The following NKAIN3 variants were observed in gnomAD, a reference collection of about 807,000 sequenced individuals.
NKAIN3 encodes sodium/potassium-transporting ATPase subunit beta-1-interacting protein 3.
Under a neutral mutation model 30.2 loss-of-function variants are expected in NKAIN3, and 25 were observed. The ratio of observed to expected loss-of-function variants is 0.83; its 90% CI spans 0.60 to 1.16. The LOEUF (loss-of-function observed/expected upper bound fraction) is 1.16, where lower values mean the gene tolerates loss of function less well. Ranked by LOEUF, NKAIN3 falls within the 50% of genes most tolerant of loss-of-function variation. NKAIN3 has a pLI of 0.00. For missense variants in NKAIN3, 225 were observed against 254.1 expected, an observed-to-expected ratio of 0.89 and a Z score of 0.78; for synonymous variants, 91 against 89.6, an observed-to-expected ratio of 1.02 and a Z score of -0.09.
At chr8:62,382,996 A>G (rs1817322884) in intron 1 of NKAIN3, among the ~76,000 whole-genome samples, 1 of 152,090 alleles carries the variant, frequency 6.6e-6, no homozygotes, top group Non-Finnish European at 1.5e-5. Flanking sequence ...AGTGTTGACA[A>G]TCCTTTCCAT....
intron 1 of NKAIN3, among the ~76,000 whole-genome samples, chr8:62,424,451 A>G (rs1006048953): frequency 1.7e-3 from 25 of 14,546 alleles, no homozygotes; most frequent in African/African-American, 3.9e-3. Context: ...ACTCAATAGC[A>G]AAAAAAACAA....
intron 5 of NKAIN3, among the ~76,000 whole-genome samples, chr8:62,930,464 G>A (rs1822584234): frequency 6.6e-6 from 1 of 151,946 alleles, no homozygotes; most frequent in Non-Finnish European, 1.5e-5. Flanking sequence ...ATGTTGGCCA[G>A]GCTGGTCTCG....
intron 4 of NKAIN3, chr8:62,855,640 C>T (rs1194105335): frequency 3.1e-6 from 5 of 1,604,222 alleles, no homozygotes; most frequent in Middle Eastern, 2.3e-4. Flanking sequence ...AGGCCAAGGC[C>T]TCCAGGTTCC....
rs79975253 is a variant in NKAIN3 at position 62,394,898 on chromosome 8, C to T, written c.54+145771C>T. ...GGGGAGGCGCTCATCACTTCCCCGA[C>T]GGGGCGGCGGCTGGACAGAGGCGCT... is the stretch of plus-strand genomic sequence containing the variant. On this transcript the variant is annotated intron_variant, in intron 1 of 6. Transcript: ENST00000623646. Among the ~76,000 whole-genome samples the T allele has an allele frequency of 6.4e-5, 9 of 140,646 alleles. 1 individual carries two copies. Among genetic ancestry groups the T allele is most frequent in the East Asian group, 2.3e-4 (1 of 4,422 alleles). 92.3% of individuals were successfully genotyped at this position (140,646 alleles called of 152,430 possible).
chr8:62,405,613 C>T (rs763957206), intron 1 of NKAIN3, among the ~76,000 whole-genome samples: 28 of 152,152 alleles, frequency 1.8e-4, no homozygotes, highest in Non-Finnish European at 3.2e-4. Context: ...ATTCTCCATG[C>T]GGCAGTGCTG....
intron 4 of NKAIN3, among the ~76,000 whole-genome samples, chr8:62,798,567 G>A (rs560489591): frequency 0.014 from 1,953 of 140,812 alleles, 37 homozygotes; most frequent in African/African-American, 0.049. Flanking sequence ...GTGAGACTCC[G>A]TCCCCCCCAA....
chr8:62,461,095 G>A (rs1805987561), intron 1 of NKAIN3, among the ~76,000 whole-genome samples: 1 of 152,210 alleles, frequency 6.6e-6, no homozygotes, highest in South Asian at 2.1e-4. Flanking sequence ...TGCAGAAACA[G>A]GAAGTGAAGT....
rs146039022 is a variant in NKAIN3, at chr8:62,920,986, G to A, written c.532+2473G>A. ...GCAGATGTAATTAAGTTGTCCCAGG[G>A]TCTTCAGAAGGCAGATGTGAGCAAA... On this transcript the variant is annotated intron_variant, in intron 5 of 6. Coordinates refer to ENST00000623646, the MANE Select transcript of NKAIN3 (RefSeq NM_001304533.3). Among the ~76,000 whole-genome samples, 261 of 152,236 alleles carry A rather than the reference G, an allele frequency of 1.7e-3. 1 individual carries two copies. Among genetic ancestry groups the A allele is most frequent in the Non-Finnish European group, 2.8e-3 (189 of 68,010 alleles).
chr8:62,539,653 A>C (rs1234378578), intron 1 of NKAIN3, among the ~76,000 whole-genome samples: 1 of 152,102 alleles, frequency 6.6e-6, no homozygotes, highest in East Asian at 1.9e-4. Flanking sequence ...GCAGTGGTGC[A>C]ATCATGGCTC....
At chr8:62,666,452 A>G (rs982103414) in intron 3 of NKAIN3, among the ~76,000 whole-genome samples, 6 of 152,330 alleles carry the variant, frequency 3.9e-5, no homozygotes, top group African/African-American at 1.4e-4. Context: ...AACCAAAAAA[A>G]GTATGAAAAA....
chr8:62,794,948 T>C (rs1817815462), intron 4 of NKAIN3, among the ~76,000 whole-genome samples: 1 of 152,166 alleles, frequency 6.6e-6, no homozygotes, highest in East Asian at 1.9e-4. Context: ...CATCCATCTA[T>C]GATCTTTCCA....
intron 1 of NKAIN3, among the ~76,000 whole-genome samples, chr8:62,310,170 C>A (rs1234962440): frequency 6.7e-6 from 1 of 150,060 alleles, no homozygotes; most frequent in East Asian, 1.9e-4. Context: ...GAGACAATAA[C>A]ATGCTGAAAT....
chr8:62,392,123 A>C (rs1817601309), intron 1 of NKAIN3, among the ~76,000 whole-genome samples: 1 of 152,062 alleles, frequency 6.6e-6, no homozygotes, highest in African/African-American at 2.4e-5. Context: ...AAATATTTAA[A>C]CATTTTAATA....
chr8:62,251,322 ATCT>A (rs1021610342), intron 1 of NKAIN3, among the ~76,000 whole-genome samples: 3 of 152,138 alleles, frequency 2.0e-5, no homozygotes, highest in Non-Finnish European at 4.4e-5. Flanking sequence ...ATACAAGATA[ATCT>A]TCTCTATGTA....
chr8:62,992,865 T>C (rs1824349811), intron 5 of NKAIN3, among the ~76,000 whole-genome samples: 1 of 152,128 alleles, frequency 6.6e-6, no homozygotes, highest in Non-Finnish European at 1.5e-5. Flanking sequence ...ATCCTATACT[T>C]GCCTTCGTGC....
At chr8:62,531,921 G>A (rs1010282280) in intron 1 of NKAIN3, among the ~76,000 whole-genome samples, 3 of 152,154 alleles carry the variant, frequency 2.0e-5, no homozygotes, top group African/African-American at 7.2e-5. Context: ...CCAGCTTCCT[G>A]CCAAGTGTCA....
At chr8:62,930,735 A>G (rs1266898839) in intron 5 of NKAIN3, among the ~76,000 whole-genome samples, 1 of 146,210 alleles carries the variant, frequency 6.8e-6, no homozygotes, top group Non-Finnish European at 1.5e-5. Context: ...ACGGAGTCTC[A>G]CTCTGTCACC....
chr8:62,838,425 T>C (rs1022564170), intron 4 of NKAIN3, among the ~76,000 whole-genome samples: 5 of 151,844 alleles, frequency 3.3e-5, no homozygotes, highest in African/African-American at 7.3e-5. Flanking sequence ...AGAAGAGAGA[T>C]TTGTACATTT....
intron 4 of NKAIN3, among the ~76,000 whole-genome samples, chr8:62,877,181 C>A (rs1820825332): frequency 6.6e-6 from 1 of 151,952 alleles, no homozygotes; most frequent in African/African-American, 2.4e-5. Flanking sequence ...GAGCTCTGAA[C>A]CAAAGGCTCC....
Sources: allele counts gnomAD v4.1 joint callset (sites outside exome capture counted in the v4.1 genomes callset), GRCh38; gene constraint gnomAD v4.1.1; transcripts MANE v1.5; gene names NCBI Gene and HGNC (gene_info 2026-07-23, HGNC 2026-07-21).